The following ST6GALNAC3 variants were observed in gnomAD, a reference collection of about 807,000 sequenced individuals.
ST6GALNAC3 encodes ST6 N-acetylgalactosaminide alpha-2,6-sialyltransferase 3.
A neutral mutation model predicts 32.7 loss-of-function variants in ST6GALNAC3; 25 were observed. The observed-to-expected ratio is 0.76, with a 90% confidence interval of 0.56 to 1.07. The LOEUF is 1.07. Among genes scored for constraint, ST6GALNAC3 ranks in the 50% least tolerant of loss-of-function variants. The pLI, the probability that ST6GALNAC3 is intolerant of heterozygous loss-of-function variation, is 0.00. For synonymous variants in ST6GALNAC3, 129 were observed against 133.1 expected, an observed-to-expected ratio of 0.97 and a Z score of 0.21; for missense variants, 355 against 382.4, an observed-to-expected ratio of 0.93 and a Z score of 0.60.
chr1:76,272,580 C>G (rs866001218), intron 1 of ST6GALNAC3, among the ~76,000 whole-genome samples: 1 of 152,164 alleles, frequency 6.6e-6, no homozygotes, highest in African/African-American at 2.4e-5. Flanking sequence ...ACAGCTTTTC[C>G]TCCTTGGTGC....
At chr1:76,221,090 T>A (rs1655741401) in intron 1 of ST6GALNAC3, among the ~76,000 whole-genome samples, 1 of 152,156 alleles carries the variant, frequency 6.6e-6, no homozygotes, top group Admixed American at 6.6e-5. Flanking sequence ...GGGAAGCCTT[T>A]GTAAATCAAA....
intron 1 of ST6GALNAC3, among the ~76,000 whole-genome samples, chr1:76,186,510 C>G (rs1234132736): frequency 6.6e-6 from 1 of 152,064 alleles, no homozygotes; most frequent in Non-Finnish European, 1.5e-5. Context: ...ATGAGGTCCA[C>G]TGAGGTTAGT....
In ST6GALNAC3 at chr1:76,403,278, C is replaced by T. The variant is rs150380904; in HGVS notation, c.214-8730C>T. Reference sequence around the variant, plus strand: ...CTCATGCTTGGCACTACATGCAGACCTCCAGTATACTCTCCATTTGCTCTT... The same window carrying T: ...CTCATGCTTGGCACTACATGCAGACTTCCAGTATACTCTCCATTTGCTCTT... On this transcript the variant is annotated intron_variant, in intron 2 of 4. Transcript: ENST00000328299. 1.4e-4 allele frequency among the ~76,000 whole-genome samples: 21 copies of T among 152,110 alleles called. No individual in the cohort carries two copies. In the East Asian group the frequency reaches 3.9e-3, roughly 28 times the overall value.
At chr1:76,249,146 G>A (rs1345525644) in intron 1 of ST6GALNAC3, among the ~76,000 whole-genome samples, 1 of 152,150 alleles carries the variant, frequency 6.6e-6, no homozygotes, top group African/African-American at 2.4e-5. Flanking sequence ...GTAGTATGCA[G>A]TTCAATGGGT....
intron 3 of ST6GALNAC3, among the ~76,000 whole-genome samples, chr1:76,615,305 T>C (rs1264788599): frequency 2.0e-5 from 3 of 152,186 alleles, no homozygotes; most frequent in Non-Finnish European, 4.4e-5. Flanking sequence ...TTTATCATCT[T>C]GGCCTGATTA....
At chr1:76,216,963 A>G (rs746422820) in intron 1 of ST6GALNAC3, among the ~76,000 whole-genome samples, 3 of 152,242 alleles carry the variant, frequency 2.0e-5, no homozygotes, top group Non-Finnish European at 2.9e-5. Flanking sequence ...AAAAATGCCA[A>G]CACTGATAAA....
chr1:76,449,587 T>C (rs1657240045), intron 3 of ST6GALNAC3, among the ~76,000 whole-genome samples: 1 of 152,228 alleles, frequency 6.6e-6, no homozygotes, highest in Non-Finnish European at 1.5e-5. Context: ...TTGTCAGTCT[T>C]CTGGATTTAA....
intron 1 of ST6GALNAC3, among the ~76,000 whole-genome samples, chr1:76,208,114 T>C (rs1210743771): frequency 2.5e-5 from 2 of 81,606 alleles, no homozygotes. Flanking sequence ...CAGGATCCTG[T>C]AACCCACTTA....
At chr1:76,134,114 G>A (rs1162807445) in intron 1 of ST6GALNAC3, among the ~76,000 whole-genome samples, 1 of 152,200 alleles carries the variant, frequency 6.6e-6, no homozygotes, top group Non-Finnish European at 1.5e-5. Flanking sequence ...AGGAATAGCT[G>A]GACACCTGGC....
chr1:76,612,155 T>C (rs1470669920), intron 3 of ST6GALNAC3, among the ~76,000 whole-genome samples: 1 of 152,244 alleles, frequency 6.6e-6, no homozygotes, highest in Non-Finnish European at 1.5e-5. Context: ...GTATAGAATA[T>C]GCCAACATTT....
intron 3 of ST6GALNAC3, among the ~76,000 whole-genome samples, chr1:76,539,044 A>T (rs1285488850): frequency 6.6e-6 from 1 of 152,164 alleles, no homozygotes; most frequent in East Asian, 1.9e-4. Flanking sequence ...ATCAAAGAAG[A>T]CCCTACATAG....
intron 3 of ST6GALNAC3, among the ~76,000 whole-genome samples, chr1:76,592,446 G>A (rs1647062850): frequency 6.6e-6 from 1 of 152,166 alleles, no homozygotes; most frequent in Non-Finnish European, 1.5e-5. Context: ...GAAAATGCAA[G>A]ATCACTTTGG....
At chr1:76,312,105 A>G (rs1461739500) in intron 1 of ST6GALNAC3, among the ~76,000 whole-genome samples, 1 of 152,148 alleles carries the variant, frequency 6.6e-6, no homozygotes, top group Non-Finnish European at 1.5e-5. Context: ...AACAGAACAG[A>G]GGCCTCAGAA....
chr1:76,177,008 G>A (rs1652897852), intron 1 of ST6GALNAC3, among the ~76,000 whole-genome samples: 1 of 152,162 alleles, frequency 6.6e-6, no homozygotes. Context: ...CCAGGAGTTC[G>A]AGACAACAGT....
intron 3 of ST6GALNAC3, among the ~76,000 whole-genome samples, chr1:76,564,484 A>G (rs1362228239): frequency 2.0e-5 from 3 of 152,190 alleles, no homozygotes; most frequent in Admixed American, 2.0e-4. Context: ...TCAGGATTCA[A>G]TGCTAAATTA....
chr1:76,216,385 C>G (rs559707870), intron 1 of ST6GALNAC3, among the ~76,000 whole-genome samples: 1 of 152,254 alleles, frequency 6.6e-6, no homozygotes, highest in East Asian at 1.9e-4. Context: ...CCAATGTATC[C>G]CCAGGGCAAG....
At position 76,112,094 on chromosome 1, in the gene ST6GALNAC3, G is replaced by A. The variant is rs537549406; in HGVS notation, c.18+37210G>A. Among the ~76,000 whole-genome samples, 809 of 138,988 alleles carry A rather than the reference G, an allele frequency of 5.8e-3. 11 individuals carry two copies. The highest frequency in any genetic ancestry group is 0.02 in the African/African-American group (759 of 37,374). The allele number at this position is 138,988 out of a possible 152,430, so 91.2% of individuals were successfully genotyped here. A position where few individuals can be genotyped will look rare whatever the true frequency, so the allele number is the denominator to read the frequency against. On this transcript the variant is annotated intron_variant, in intron 1 of 4. Transcript: ENST00000328299. ...TGACCCCCCCACCTCCCTCCCGGAC[G>A]GGGCGGCTGGCCGGGCGGGGGGCTG...
intron 2 of ST6GALNAC3, among the ~76,000 whole-genome samples, chr1:76,318,080 A>G (rs992475196): frequency 2.6e-5 from 4 of 151,982 alleles, no homozygotes; most frequent in Admixed American, 1.3e-4. Context: ...TTTAAAAAAA[A>G]TAATCTGTTC....
At chr1:76,401,453 A>G (rs928629636) in intron 2 of ST6GALNAC3, among the ~76,000 whole-genome samples, 1 of 152,150 alleles carries the variant, frequency 6.6e-6, no homozygotes, top group Non-Finnish European at 1.5e-5. Flanking sequence ...CATCGTAAAC[A>G]TTGTTTTAGT....
Sources: gnomAD v4.1 joint callset for allele counts (sites outside exome capture counted in the v4.1 genomes callset) on GRCh38, gnomAD v4.1.1 for gene constraint, MANE v1.5 for transcripts, NCBI Gene and HGNC (gene_info 2026-07-23, HGNC 2026-07-21) for gene names.